The following PLA1A variants were observed in gnomAD, a reference collection of about 807,000 sequenced individuals.
PLA1A encodes the protein phospholipase A1 member A, also known as phosphatidylserine-specific phospholipase A1alpha.
In PLA1A, 47 loss-of-function variants were observed where a neutral mutation model predicts 49.4. That is an observed-to-expected ratio of 0.95 (90% CI 0.75 to 1.21). The LOEUF (loss-of-function observed/expected upper bound fraction) is 1.21, where lower values mean the gene tolerates loss of function less well. PLA1A is among the 50% of genes most tolerant of loss of function. PLA1A has a pLI of 0.00. For missense variants in PLA1A, 561 were observed against 563.9 expected, an observed-to-expected ratio of 0.99 and a Z score of 0.05; for synonymous variants, 224 against 207.9, an observed-to-expected ratio of 1.08 and a Z score of -0.67.
At chr3:119,617,080 C>G (rs2082857966) in intron 6 of PLA1A, among the ~76,000 whole-genome samples, 1 of 152,228 alleles carries the variant, frequency 6.6e-6, no homozygotes, top group African/African-American at 2.4e-5. Context: ...CCCCAGGACC[C>G]TGGAGTTGTA....
chr3:119,629,464 T>C lies in PLA1A; in HGVS notation c.1367T>C (p.Val456Ala). 8 of 1,598,442 alleles carry C rather than the reference T, an allele frequency of 5.0e-6. No homozygotes were observed. Among genetic ancestry groups the C allele is most frequent in the Non-Finnish European group, 6.9e-6 (8 of 1,166,282 alleles). ...TCCTGTGACCTGAAGATAGCCTGTG[T>C]GTAGTTTAACCTGGGCAGGACACAT... ...TVSCDLKIAC[V>A] is the part of the protein sequence containing the mutation. Residue 456 changes from valine to alanine, a missense_variant, in exon 11 of 11, where the codon GTG becomes GCG. Val to Ala is a moderately conservative substitution (Grantham distance 64). Coordinates refer to ENST00000273371, the MANE Select transcript of PLA1A (RefSeq NM_015900.4).
chr3:119,608,865 G>T lies in PLA1A; in HGVS notation c.371G>T (p.Gly124Val), dbSNP rs142153170. Residue 124 changes from glycine to valine, a missense_variant, in exon 3 of 11, where the codon GGG becomes GTG. Coordinates refer to ENST00000273371, the MANE Select transcript of PLA1A (RefSeq NM_015900.4). ...GTGATTGCCGTGGACTGGATTTATG[G>T]GTCTACAGGAGTCTACTTCTCAGCT... ...ANVIAVDWIY[G>V]STGVYFSAVK... is the part of the protein sequence containing the mutation. The T allele has an allele frequency of 1.2e-6, 2 of 1,613,644 alleles. No homozygotes were observed. Among genetic ancestry groups the T allele is most frequent in the Non-Finnish European group, 1.7e-6 (2 of 1,179,568 alleles).
intron 8 of PLA1A, chr3:119,620,208 G>A (rs999031775): frequency 9.5e-5 from 43 of 454,142 alleles, no homozygotes; most frequent in African/African-American, 8.0e-4. Flanking sequence ...AAGCTAAACC[G>A]TCATCCTTCC....
chr3:119,628,950 TC>T (rs2052585974), intron 10 of PLA1A, 85 bp downstream of exon 10: 4 of 1,032,872 alleles, frequency 3.9e-6, no homozygotes, highest in Non-Finnish European at 5.9e-6. Context: ...CTATTGAGGT[TC>T]AATCTCATCA....
intron 7 of PLA1A, 70 bp from the exon 8 acceptor site, chr3:119,619,493 G>C: frequency 1.0e-6 from 1 of 977,286 alleles, no homozygotes; most frequent in African/African-American, 1.6e-5. Flanking sequence ...TAATAAACAC[G>C]TGGCTGGGTG....
Position 119,628,661 on chromosome 3 carries a change from G to T in PLA1A, c.1122-40G>T, listed in dbSNP as rs114385312. 1,457 of 1,598,246 alleles carry T rather than the reference G, an allele frequency of 9.1e-4. 11 individuals carry two copies. In the African/African-American group the frequency reaches 0.017, roughly 19 times the overall value. Reference sequence around the variant, plus strand: ...CCAAAGGGGAAGTACAGGTGGTAAGGGCTACAGTCATTTACTTTCCCTTTA... The same window carrying T: ...CCAAAGGGGAAGTACAGGTGGTAAGTGCTACAGTCATTTACTTTCCCTTTA... On this transcript the variant is annotated intron_variant, in intron 9 of 10. Coordinates refer to ENST00000273371, the MANE Select transcript of PLA1A (RefSeq NM_015900.4).
At chr3:119,598,510 T>A (rs901037377) in intron 1 of PLA1A, 2 of 152,426 alleles carry the variant, frequency 1.3e-5, no homozygotes, top group African/African-American at 4.8e-5. Flanking sequence ...AGATGCCAAT[T>A]TGCATTTACC....
At position 119,629,571 on chromosome 3, in the gene PLA1A, T is replaced by G; in HGVS notation, c.*103T>G. On this transcript the variant is annotated 3_prime_UTR_variant, in exon 11 of 11. Coordinates refer to ENST00000273371, the MANE Select transcript of PLA1A (RefSeq NM_015900.4). ...GCAGCTTATTGTAGACCATTACTAC[T>G]AAGGAGAAAAGCAAAGCTCTTTCTT... 1.4e-6 allele frequency: 1 copy of G among 697,074 alleles called. No homozygotes were observed. Among genetic ancestry groups the G allele is most frequent in the Admixed American group, 2.2e-5 (1 of 45,086 alleles). 43.2% of individuals were successfully genotyped at this position (697,074 alleles called of 1,614,324 possible).
intron 6 of PLA1A, among the ~76,000 whole-genome samples, chr3:119,617,643 T>C (rs893879778): frequency 6.6e-6 from 1 of 151,630 alleles, no homozygotes; most frequent in Non-Finnish European, 1.5e-5. Context: ...CTCAGGAGAC[T>C]GAGGCAGGAA....
rs1040198877 is a variant in PLA1A at position 119,622,176 on chromosome 3, A to G, written c.1012+2524A>G. Among the ~76,000 whole-genome samples the G allele has an allele frequency of 3.1e-4, 20 of 64,510 alleles. No individual in the cohort carries two copies. In the East Asian group the frequency reaches 0.016, roughly 51 times the overall value. The allele number at this position is 64,510 out of a possible 152,430, so 42.3% of individuals were successfully genotyped here. On this transcript the variant is annotated intron_variant, in intron 8 of 10. Transcript: ENST00000273371. ...AAGAAGAAGAAGAAGAAGAAGAAGA[A>G]GAAGAAGAAGAAGAAGAAGAAGAAG...
At position 119,614,605 on chromosome 3, in the gene PLA1A, CAAAAAA is replaced by C. The variant is rs57980425; in HGVS notation, c.665-1388_665-1383del. ...TGGGTGACAGAGTGAGACTTCGTCT[CAAAAAA>C]AAAAAAAAAAAAAAAAAAGTGAATC... is the stretch of plus-strand genomic sequence containing the variant. On this transcript the variant is annotated intron_variant, in intron 5 of 10. Transcript: ENST00000273371. 1.8e-3 allele frequency among the ~76,000 whole-genome samples: 123 copies of C among 68,006 alleles called. 1 individual carries two copies. Among genetic ancestry groups the C allele is most frequent in the African/African-American group, 5.5e-3 (119 of 21,572 alleles). The allele number at this position is 68,006 out of a possible 152,430, so 44.6% of individuals were successfully genotyped here. A position where few individuals can be genotyped will look rare whatever the true frequency, so the allele number is the denominator to read the frequency against.
chr3:119,624,860 A>G (rs2052493434), intron 8 of PLA1A, among the ~76,000 whole-genome samples: 1 of 152,166 alleles, frequency 6.6e-6, no homozygotes, highest in Admixed American at 6.5e-5. Flanking sequence ...CAAACTCCTG[A>G]CCTCAGGTGA....
At position 119,608,829 on chromosome 3, in the gene PLA1A, C is replaced by T. The variant is rs145457987; in HGVS notation, c.335C>T (p.Thr112Met). ...DTFIRTLLRA[T>M]NANVIAVDWI... is the part of the protein sequence containing the mutation. ...TTTATTAGAACCCTTCTGCGTGCAA[C>T]GAATGCTAATGTGATTGCCGTGGAC... Residue 112 changes from threonine (T) to methionine (M), a missense_variant, in exon 3 of 11, where the codon ACG becomes ATG. Thr to Met is a moderately conservative substitution (Grantham distance 81, BLOSUM62 -1). Coordinates refer to ENST00000273371, the MANE Select transcript of PLA1A (RefSeq NM_015900.4). 7.2e-5 allele frequency: 116 copies of T among 1,613,478 alleles called. 1 individual carries two copies. In the African/African-American group the frequency reaches 1.0e-3, roughly 14 times the overall value.
chr3:119,612,516 T>C (rs528182519), intron 4 of PLA1A, among the ~76,000 whole-genome samples: 2 of 151,800 alleles, frequency 1.3e-5, no homozygotes, highest in African/African-American at 4.8e-5. Context: ...TGAGATGGAG[T>C]TTCGCCCTGT....
intron 9 of PLA1A, among the ~76,000 whole-genome samples, chr3:119,627,489 A>T (rs2052557933): frequency 6.6e-6 from 1 of 152,250 alleles, no homozygotes; most frequent in South Asian, 2.1e-4. Context: ...ACAAAATTAT[A>T]CATGATCTTC....
chr3:119,628,813 C>G lies in PLA1A; in HGVS notation c.1234C>G (p.Arg412Gly), dbSNP rs775418185. The G allele has an allele frequency of 2.5e-6, 4 of 1,613,888 alleles. No homozygotes were observed. Among genetic ancestry groups the G allele is most frequent in the African/African-American group, 2.7e-5 (2 of 74,906 alleles). The change falls in exon 10 of 11, where the codon CGG becomes GGG. Residue 412 changes from arginine to glycine, a missense_variant. Transcript: ENST00000273371. ...TTCCAACCGAGTTTGGAAAAAAGAC[C>G]GGACTACCATTATTGGGAAGTTCTG... The part of the protein sequence containing the change: ...QSSNRVWKKD[R>G]TTIIGKFCTA...
chr3:119,629,564 TTAC>T lies in PLA1A; in HGVS notation c.*102_*104del, dbSNP rs2052597875. 4 of 730,546 alleles carry T rather than the reference TTAC, an allele frequency of 5.5e-6. No individual in the cohort carries two copies. The highest frequency in any genetic ancestry group is 7.4e-6 in the Non-Finnish European group (3 of 406,180). 45.3% of individuals were successfully genotyped at this position (730,546 alleles called of 1,614,324 possible). The stretch of plus-strand genomic sequence containing the variant: ...TGTGTGTGCAGCTTATTGTAGACCA[TTAC>T]TACTAAGGAGAAAAGCAAAGCTCTT... On this transcript the variant is annotated 3_prime_UTR_variant, in exon 11 of 11. Coordinates refer to ENST00000273371, the MANE Select transcript of PLA1A (RefSeq NM_015900.4).
intron 2 of PLA1A, among the ~76,000 whole-genome samples, chr3:119,608,242 G>GGA (rs2082716995): frequency 1.6e-5 from 2 of 123,730 alleles, no homozygotes; most frequent in African/African-American, 6.2e-5. Context: ...GAAAGAAAGA[G>GGA]AGAAAGAAAG....
chr3:119,614,831 G>A (rs2082823334), intron 5 of PLA1A, among the ~76,000 whole-genome samples: 1 of 152,112 alleles, frequency 6.6e-6, no homozygotes, highest in African/African-American at 2.4e-5. Flanking sequence ...CACATTGAAT[G>A]AGGTCCCTGC....
Sources: gnomAD v4.1 joint callset for allele counts (sites outside exome capture counted in the v4.1 genomes callset) on GRCh38, gnomAD v4.1.1 for gene constraint, MANE v1.5 for transcripts, NCBI Gene and HGNC (gene_info 2026-07-23, HGNC 2026-07-21) for gene names.